Variants in ACAP2 observed in about 807,000 individuals in gnomAD.
The protein encoded by ACAP2 is ArfGAP with coiled-coil, ankyrin repeat and PH domains 2.
ACAP2 carries 39 observed loss-of-function variants against 115.8 expected under a neutral mutation model. The observed-to-expected ratio is 0.34, with a 90% confidence interval of 0.26 to 0.44. The LOEUF is 0.44. ACAP2 is among the 20% of genes least tolerant of loss of function. The probability of loss-of-function intolerance (pLI) is 1.00; values close to 1 mark genes in which losing one functional copy is unlikely to be tolerated. For synonymous variants in ACAP2, 289 were observed against 315.8 expected (o/e 0.92, Z 0.90); for missense variants, 662 against 927.6 (o/e 0.71, Z 3.72).
At chr3:195,328,221 A>T (rs1051461929) in intron 8 of ACAP2, among the ~76,000 whole-genome samples, 10 of 152,220 alleles carry the variant, frequency 6.6e-5, no homozygotes, top group African/African-American at 2.4e-4. Context: ...AAATTAAAAC[A>T]TACATATCAG....
rs1727073107 is a variant in ACAP2 at position 195,289,246 on chromosome 3, A to G, written c.2064-15T>C. On this transcript the variant is annotated splice_polypyrimidine_tract_variant and intron_variant, in intron 20 of 22. Transcript: ENST00000326793. Reference sequence around the variant, plus strand: ...AACATACCTGCCTGTTTAAGAACACAGCATTTTTGAGATATTGTCGATAAG... The same window carrying G: ...AACATACCTGCCTGTTTAAGAACACGGCATTTTTGAGATATTGTCGATAAG... The G allele has an allele frequency of 1.9e-6, 3 of 1,571,422 alleles. No individual in the cohort carries two copies. The highest frequency in any genetic ancestry group is 2.2e-5 in the East Asian group (1 of 44,530).
Position 195,301,659 on chromosome 3 carries a change from G to C in ACAP2, c.1326-15C>G, listed in dbSNP as rs201110070. ...CCCCAAGGCTCCTAAGTGGAAAAAA[G>C]AAGACTGCATTACTATCAAGTCTCT... On this transcript the variant is annotated splice_polypyrimidine_tract_variant and intron_variant, in intron 14 of 22. Transcript: ENST00000326793. 20 of 1,606,934 alleles carry C rather than the reference G, an allele frequency of 1.2e-5. 1 individual carries two copies. In the East Asian group the frequency reaches 4.5e-4, roughly 36 times the overall value.
At chr3:195,387,057 C>T (rs150265133) in intron 2 of ACAP2, among the ~76,000 whole-genome samples, 42 of 152,218 alleles carry the variant, frequency 2.8e-4, no homozygotes, top group Admixed American at 1.3e-3. Context: ...AATTGTCATA[C>T]AGCAGAACCA....
chr3:195,306,947 G>T, intron 12 of ACAP2: 1 of 328,098 alleles, frequency 3.0e-6, no homozygotes, highest in South Asian at 6.0e-5. Context: ...AGTTATCAAA[G>T]AAACTCATAT....
At position 195,306,584 on chromosome 3, in the gene ACAP2, A is replaced by T. The variant is rs1430719740; in HGVS notation, c.1043T>A (p.Leu348Gln). 2 of 1,612,912 alleles carry T rather than the reference A, an allele frequency of 1.2e-6. No individual in the cohort carries two copies. Among genetic ancestry groups the T allele is most frequent in the East Asian group, 2.2e-5 (1 of 44,762 alleles). ...SCMLQADSEK[L>Q]RQAWIKAVQT... is the part of the protein sequence containing the mutation. ...AACAGCCTTAATCCATGCCTGGCGC[A>T]GCTTTTCGGAATCTGCCTGGAGCAT... The change falls in exon 13 of 23, where the codon CTG becomes CAG. Residue 348 changes from leucine (L) to glutamine (Q), a missense_variant. By Grantham distance (113) the Leu-to-Gln change is moderately radical. Coordinates refer to ENST00000326793, the MANE Select transcript of ACAP2 (RefSeq NM_012287.6).
chr3:195,377,534 GT>G (rs1014724437), intron 4 of ACAP2, among the ~76,000 whole-genome samples: 2 of 152,134 alleles, frequency 1.3e-5, no homozygotes, highest in African/African-American at 4.8e-5. Context: ...AGTAAACAAG[GT>G]AAGTGTTATC....
intron 4 of ACAP2, among the ~76,000 whole-genome samples, chr3:195,378,110 A>G (rs1028933982): frequency 7.2e-6 from 1 of 138,844 alleles, no homozygotes; most frequent in Non-Finnish European, 1.5e-5. Flanking sequence ...GGGAGGAAGG[A>G]AGGAGAGAGA....
Position 195,442,775 on chromosome 3 carries a change from C to T in ACAP2, c.53+20G>A. 6.5e-7 allele frequency: 1 copy of T among 1,527,366 alleles called. No homozygotes were observed. The allele number at this position is 1,527,366 out of a possible 1,614,324, so 94.6% of individuals were successfully genotyped here. ...CGGGAAGGCAGCTCCGCGGTGACGCCGGGCGGCCGTGCCGGTTACCTGAAG... is the reference window on the plus strand; with the variant it reads ...CGGGAAGGCAGCTCCGCGGTGACGCTGGGCGGCCGTGCCGGTTACCTGAAG... On this transcript the variant is annotated intron_variant, in intron 1 of 22. Transcript: ENST00000326793.
intron 4 of ACAP2, among the ~76,000 whole-genome samples, chr3:195,365,964 C>A (rs879061661): frequency 6.6e-6 from 1 of 151,954 alleles, no homozygotes; most frequent in Admixed American, 6.6e-5. Context: ...ACCTCAGCCT[C>A]CTGAGTAGCT....
intron 20 of ACAP2, among the ~76,000 whole-genome samples, chr3:195,290,137 GAGGT>G (rs1393385073): frequency 6.6e-6 from 1 of 152,190 alleles, no homozygotes; most frequent in Admixed American, 6.5e-5. Flanking sequence ...TCAGAAGGCA[GAGGT>G]AGGGGGAATC....
intron 1 of ACAP2, among the ~76,000 whole-genome samples, chr3:195,417,178 C>T (rs1283396682): frequency 6.6e-6 from 1 of 150,960 alleles, no homozygotes; most frequent in African/African-American, 2.4e-5. Flanking sequence ...GCAGTCCTCC[C>T]GCCTTAGCCT....
intron 15 of ACAP2, among the ~76,000 whole-genome samples, chr3:195,299,398 C>T (rs1317759039): frequency 7.1e-6 from 1 of 141,746 alleles, no homozygotes; most frequent in African/African-American, 2.6e-5. Context: ...GGCAATACCC[C>T]GTCTCTACAA....
At chr3:195,438,817 T>C (rs1715781473) in intron 1 of ACAP2, among the ~76,000 whole-genome samples, 1 of 152,206 alleles carries the variant, frequency 6.6e-6, no homozygotes, top group African/African-American at 2.4e-5. Flanking sequence ...CCCAGCACTT[T>C]GGGAGGCTGA....
In ACAP2 at chr3:195,336,919, A is replaced by G. The variant is rs1223221773; in HGVS notation, c.573+13T>C. 1.3e-6 allele frequency: 2 copies of G among 1,581,982 alleles called. No individual in the cohort carries two copies. The highest frequency in any genetic ancestry group is 1.7e-6 in the Non-Finnish European group (2 of 1,154,214). On this transcript the variant is annotated intron_variant, in intron 7 of 22. Transcript: ENST00000326793. ...TTAAAATATTTAAAACATCATTTCA[A>G]TTAATGTCTTACTGATTTTAGGATT...
intron 4 of ACAP2, among the ~76,000 whole-genome samples, chr3:195,379,975 A>C (rs1733839196): frequency 6.6e-6 from 1 of 152,192 alleles, no homozygotes; most frequent in Non-Finnish European, 1.5e-5. Context: ...ATTTTTTTTA[A>C]AAAATTGACA....
chr3:195,397,115 T>C (rs1003334898), intron 1 of ACAP2, among the ~76,000 whole-genome samples: 2 of 152,222 alleles, frequency 1.3e-5, no homozygotes, highest in Non-Finnish European at 2.9e-5. Flanking sequence ...TGTGCAGATT[T>C]TGAAACTGTT....
intron 10 of ACAP2, among the ~76,000 whole-genome samples, chr3:195,317,122 T>G (rs951140621): frequency 1.3e-5 from 2 of 152,002 alleles, no homozygotes; most frequent in African/African-American, 4.8e-5. Flanking sequence ...GGTCTCAAAC[T>G]CCTGACCTCA....
At chr3:195,428,800 A>G (rs561904728) in intron 1 of ACAP2, among the ~76,000 whole-genome samples, 1 of 152,308 alleles carries the variant, frequency 6.6e-6, no homozygotes, top group East Asian at 1.9e-4. Flanking sequence ...TGCTAGCAAG[A>G]ATGTGGAGCA....
chr3:195,285,798 G>A lies in ACAP2; in HGVS notation c.2234C>T (p.Pro745Leu). ...MRESEGLYGQ[P>L]GDETYQDIFR... is the part of the protein sequence containing the mutation. The stretch of plus-strand genomic sequence containing the variant: ...ATGGTTATTAGTAGAATATTGACCT[G>A]GCTGTCCATAAAGTCCTTCTGATTC... The change falls in exon 22 of 23, where the codon CCA becomes CTA. Residue 745 changes from proline (P) to leucine (L), a missense_variant and splice_region_variant. Around this residue, in one of 3 missense-constraint regions of ACAP2, gnomAD observed 128 missense variants for 200.2 expected, o/e 0.64. Coordinates refer to ENST00000326793, the MANE Select transcript of ACAP2 (RefSeq NM_012287.6). The A allele has an allele frequency of 6.2e-7, 1 of 1,610,654 alleles. No homozygotes were observed. Among genetic ancestry groups the A allele is most frequent in the Admixed American group, 1.7e-5 (1 of 59,800 alleles).
Sources: gnomAD v4.1 joint callset for allele counts (sites outside exome capture counted in the v4.1 genomes callset) on GRCh38, gnomAD v4.1.1 for gene constraint, gnomAD v4.1.1 regional missense constraint, MANE v1.5 for transcripts, NCBI Gene and HGNC (gene_info 2026-07-23, HGNC 2026-07-21) for gene names.